CHIC1: variants seen among roughly 807,000 people sequenced by gnomAD.
CHIC1 encodes the protein cysteine rich hydrophobic domain 1.
Under a neutral mutation model 18.5 loss-of-function variants are expected in CHIC1, and 7 were observed. The observed-to-expected ratio is 0.38, with a 90% CI of 0.22 to 0.71. The LOEUF is 0.71. Among genes scored for constraint, CHIC1 ranks in the 30% least tolerant of loss-of-function variants. The probability of loss-of-function intolerance (pLI) is 0.49; values close to 1 mark genes in which losing one functional copy is unlikely to be tolerated. For missense variants in CHIC1, 159 were observed against 176.9 expected (o/e 0.90, Z 0.57); for synonymous variants, 77 against 73.5 (o/e 1.05, Z -0.25).
intron 3 of CHIC1, among the ~76,000 whole-genome samples, chrX:73,659,949 G>C (rs201799137): frequency 9.0e-6 from 1 of 111,438 alleles, no homozygotes; most frequent in Non-Finnish European, 1.9e-5. Context: ...TGATAGACGC[G>C]GACATCAGTA....
chrX:73,564,955 T>G (rs2057438395), intron 1 of CHIC1, among the ~76,000 whole-genome samples: 1 of 109,578 alleles, frequency 9.1e-6, no homozygotes, highest in Admixed American at 9.8e-5. Context: ...ATATGTTGAG[T>G]ATTTTAATTG....
At chrX:73,662,446 T>C (rs2057985532) in intron 3 of CHIC1, among the ~76,000 whole-genome samples, 1 of 102,290 alleles carries the variant, frequency 9.8e-6, no homozygotes, top group South Asian at 4.9e-4. Flanking sequence ...CTGAATATTG[T>C]GGATCTTATG....
At chrX:73,613,938 T>A (rs2057720821) in intron 3 of CHIC1, among the ~76,000 whole-genome samples, 2 of 110,871 alleles carry the variant, frequency 1.8e-5, no homozygotes. Context: ...TTTTCTTTCT[T>A]ATTTGTATTT....
At chrX:73,579,415 A>G (rs2057515897) in intron 2 of CHIC1, among the ~76,000 whole-genome samples, 1 of 110,545 alleles carries the variant, frequency 9.0e-6, no homozygotes. Context: ...ATTGTATTGT[A>G]GTTTCACCCT....
At chrX:73,631,834 T>C (rs1465274714) in intron 3 of CHIC1, among the ~76,000 whole-genome samples, 1 of 111,760 alleles carries the variant, frequency 8.9e-6, no homozygotes, top group Non-Finnish European at 1.9e-5. Context: ...TTCCACATAT[T>C]TGTGAGTTTT....
At chrX:73,621,992 T>C (rs774293706) in intron 3 of CHIC1, among the ~76,000 whole-genome samples, 1 of 112,271 alleles carries the variant, frequency 8.9e-6, no homozygotes, top group South Asian at 3.7e-4. Context: ...ATGTGATGGA[T>C]TACATTTTTT....
At chrX:73,565,870 A>AT (rs1171744508) in intron 1 of CHIC1, among the ~76,000 whole-genome samples, 3 of 110,793 alleles carry the variant, frequency 2.7e-5, no homozygotes, top group African/African-American at 6.6e-5. Context: ...ACCAGCCCTG[A>AT]TTTTTTTCCA....
rs192428153 is a variant in CHIC1 at position 73,600,672 on chromosome X, C to T, written c.507+16100C>T. Among the ~76,000 whole-genome samples the T allele has an allele frequency of 6.5e-3, 697 of 107,094 alleles. 11 individuals are homozygous for T. Among genetic ancestry groups the T allele is most frequent in the Non-Finnish European group, 0.011 (583 of 52,724 alleles). The allele number at this position is 107,094 out of a possible 115,157, so 93.0% of individuals were successfully genotyped here. On this transcript the variant is annotated intron_variant, in intron 3 of 5. Transcript: ENST00000373502. ...CGTATATTGAACCAGCCTTGCATCC[C>T]AGGGATGAAGCCCACTTGATCATGG...
At position 73,607,294 on chromosome X, in the gene CHIC1, G is replaced by C. The variant is rs2057687779; in HGVS notation, c.507+22722G>C. Among the ~76,000 whole-genome samples the C allele has an allele frequency of 2.8e-5, 3 of 108,082 alleles. No individual in the cohort carries two copies. In the South Asian group the frequency reaches 1.1e-3, roughly 41 times the overall value. 93.9% of individuals were successfully genotyped at this position (108,082 alleles called of 115,157 possible). On this transcript the variant is annotated intron_variant, in intron 3 of 5. Transcript: ENST00000373502. Reference sequence around the variant, plus strand: ...TTGTTTACGCTGTGAGGGTAAAACTGTCTACTCAAGCCTCAGTAATGGTGG... The same window carrying C: ...TTGTTTACGCTGTGAGGGTAAAACTCTCTACTCAAGCCTCAGTAATGGTGG...
intron 3 of CHIC1, among the ~76,000 whole-genome samples, chrX:73,615,851 T>C: frequency 9.0e-6 from 1 of 111,129 alleles, no homozygotes; most frequent in Middle Eastern, 4.6e-3. Flanking sequence ...TTAGTGTCAG[T>C]GGCTATATGC....
intron 3 of CHIC1, among the ~76,000 whole-genome samples, chrX:73,610,294 C>T (rs1038135183): frequency 1.8e-5 from 2 of 109,409 alleles, no homozygotes; most frequent in Non-Finnish European, 3.8e-5. Flanking sequence ...AGCACAGTCC[C>T]TCACTGCTTC....
In CHIC1 at chrX:73,563,446, G is replaced by GGAGGAGGAGGAAGAA. The variant is rs772200466; in HGVS notation, c.174_188dup (p.Glu64_Glu68dup). On this transcript the variant is annotated inframe_insertion, in exon 1 of 6. Transcript: ENST00000373502. ...AGGATGAGGAGGAAGAGGAGGAAGA[G>GGAGGAGGAGGAAGAA]GAGGAGGAGGAAGAAGAGGAGGAGG... The GGAGGAGGAGGAAGAA allele has an allele frequency of 8.7e-7, 1 of 1,150,726 alleles. No individual in the cohort carries two copies. 94.8% of individuals were successfully genotyped at this position (1,150,726 alleles called of 1,213,427 possible).
intron 3 of CHIC1, among the ~76,000 whole-genome samples, chrX:73,610,264 G>C (rs1273442140): frequency 9.1e-6 from 1 of 109,400 alleles, no homozygotes; most frequent in Admixed American, 9.6e-5. Context: ...CATGGGAAAA[G>C]CAGAGTACTC....
intron 3 of CHIC1, among the ~76,000 whole-genome samples, chrX:73,626,296 G>C (rs1044703793): frequency 1.8e-5 from 2 of 111,087 alleles, no homozygotes; most frequent in Non-Finnish European, 3.8e-5. Flanking sequence ...GGATAAATCT[G>C]CTTGGTGTTC....
chrX:73,610,996 T>A (rs1402888261), intron 3 of CHIC1, among the ~76,000 whole-genome samples: 1 of 108,198 alleles, frequency 9.2e-6, no homozygotes, highest in Admixed American at 9.7e-5. Flanking sequence ...TTATTGATTT[T>A]GTTTCTCTTT....
intron 3 of CHIC1, among the ~76,000 whole-genome samples, chrX:73,639,921 G>GC (rs764662131): frequency 8.9e-6 from 1 of 112,026 alleles, no homozygotes; most frequent in Non-Finnish European, 1.9e-5. Context: ...AGCTCAAGGA[G>GC]CTTTTAGGCA....
chrX:73,651,254 A>G (rs1314609198), intron 3 of CHIC1, among the ~76,000 whole-genome samples: 1 of 111,823 alleles, frequency 8.9e-6, no homozygotes, highest in Non-Finnish European at 1.9e-5. Context: ...GAATTAGACA[A>G]ACCCACAGCC....
intron 3 of CHIC1, among the ~76,000 whole-genome samples, chrX:73,663,090 T>G: frequency 8.9e-6 from 1 of 111,785 alleles, no homozygotes; most frequent in Non-Finnish European, 1.9e-5. Flanking sequence ...CAATAACAAC[T>G]AAGGCCAATC....
chrX:73,574,441 T>C (rs980717247), intron 1 of CHIC1, among the ~76,000 whole-genome samples: 1 of 110,965 alleles, frequency 9.0e-6, no homozygotes, highest in African/African-American at 3.3e-5. Flanking sequence ...GTTAGCTTCA[T>C]AGGATGAGTT....
Sources: allele counts gnomAD v4.1 joint callset (sites outside exome capture counted in the v4.1 genomes callset), GRCh38; gene constraint gnomAD v4.1.1; transcripts MANE v1.5; gene names NCBI Gene and HGNC (gene_info 2026-07-23, HGNC 2026-07-21).